The following SLC24A4 variants were observed in gnomAD, a reference collection of about 807,000 sequenced individuals.
SLC24A4 encodes solute carrier family 24 member 4, also known as sodium/potassium/calcium exchanger 4.
SLC24A4 carries 53 observed loss-of-function variants against 79.0 expected under a neutral mutation model. The ratio of observed to expected loss-of-function variants is 0.67; its 90% CI spans 0.54 to 0.84. The LOEUF is 0.84. Ranked by LOEUF, SLC24A4 falls within the 40% of genes least tolerant of loss-of-function variation. The probability of loss-of-function intolerance (pLI) is 0.00; values close to 1 mark genes in which losing one functional copy is unlikely to be tolerated. For missense variants in SLC24A4, 731 were observed against 822.0 expected, an observed-to-expected ratio of 0.89 and a Z score of 1.35; for synonymous variants, 323 against 323.8, an observed-to-expected ratio of 1.00 and a Z score of 0.03.
chr14:92,458,997 GT>G (rs1433941400), intron 12 of SLC24A4, among the ~76,000 whole-genome samples: 2 of 152,192 alleles, frequency 1.3e-5, no homozygotes, highest in Admixed American at 6.5e-5. Flanking sequence ...ACCCCTTGAA[GT>G]GGGTGGCAGA....
At chr14:92,452,590 C>T (rs1156956812) in intron 10 of SLC24A4, 2 of 152,258 alleles carry the variant, frequency 1.3e-5, no homozygotes, top group African/African-American at 2.4e-5. Context: ...GCACGCTAAT[C>T]ATCTCTGGCA....
intron 10 of SLC24A4, chr14:92,452,365 G>A (rs1893190817): frequency 6.6e-6 from 1 of 152,546 alleles, no homozygotes; most frequent in Non-Finnish European, 1.5e-5. Context: ...ATGCAGCAGT[G>A]AGGGGCTGAG....
At chr14:92,355,102 C>T (rs556562406) in intron 2 of SLC24A4, among the ~76,000 whole-genome samples, 1 of 152,232 alleles carries the variant, frequency 6.6e-6, no homozygotes, top group African/African-American at 2.4e-5. Context: ...ACAACAACAA[C>T]AACACAAATG....
At chr14:92,361,732 G>A (rs1328453135) in intron 2 of SLC24A4, among the ~76,000 whole-genome samples, 1 of 152,102 alleles carries the variant, frequency 6.6e-6, no homozygotes, top group African/African-American at 2.4e-5. Context: ...GCGATGTCTC[G>A]ACTTTGAGTG....
intron 10 of SLC24A4, chr14:92,450,652 C>CA (rs1218540942): frequency 2.6e-5 from 4 of 152,292 alleles, no homozygotes; most frequent in Non-Finnish European, 5.9e-5. Context: ...GGTCCCCACA[C>CA]ACAGCCTGGT....
chr14:92,491,520 G>A, intron 14 of SLC24A4, 145 bp from the exon 15 acceptor site: 1 of 622,206 alleles, frequency 1.6e-6, no homozygotes, highest in Non-Finnish European at 2.9e-6. Flanking sequence ...ATGGATCTGA[G>A]GCCTTATGAA....
At chr14:92,407,655 G>T (rs1430074210) in intron 2 of SLC24A4, among the ~76,000 whole-genome samples, 1 of 151,794 alleles carries the variant, frequency 6.6e-6, no homozygotes, top group Non-Finnish European at 1.5e-5. Context: ...AGAGAGAGAA[G>T]GGGGAGGTTC....
intron 2 of SLC24A4, among the ~76,000 whole-genome samples, chr14:92,391,075 C>T (rs918549621): frequency 6.6e-6 from 1 of 152,124 alleles, no homozygotes; most frequent in African/African-American, 2.4e-5. Context: ...TGCAAGGGAA[C>T]ATGTCGCTTC....
At chr14:92,467,977 G>C (rs1027427211) in intron 12 of SLC24A4, among the ~76,000 whole-genome samples, 1 of 152,180 alleles carries the variant, frequency 6.6e-6, no homozygotes, top group African/African-American at 2.4e-5. Flanking sequence ...GAGAGAGGAA[G>C]CAGTAAAACT....
chr14:92,454,029 G>A lies in SLC24A4; in HGVS notation c.1010G>A (p.Arg337Lys). 6.2e-7 allele frequency: 1 copy of A among 1,613,392 alleles called. No individual in the cohort carries two copies. The highest frequency in any genetic ancestry group is 8.5e-7 in the Non-Finnish European group (1 of 1,179,680). ...ATGATCACCAATAAGTTTGGACCCA[G>A]GACCCGACTACGGATGGCCAGCAGG... ...RIMITNKFGP[R>K]TRLRMASRII... Residue 337 changes from arginine to lysine, a missense_variant, in exon 11 of 17, where the codon AGG becomes AAG. Coordinates refer to ENST00000532405, the MANE Select transcript of SLC24A4 (RefSeq NM_153646.4).
chr14:92,493,700 C>G lies in SLC24A4; in HGVS notation c.*72C>G, dbSNP rs1406848670. ...TGGCGTTCTCCTCTCCCCTCCTTCC[C>G]CCACCACAGGTCTCTCCTGCATAGG... On this transcript the variant is annotated 3_prime_UTR_variant, in exon 17 of 17. Coordinates refer to ENST00000532405, the MANE Select transcript of SLC24A4 (RefSeq NM_153646.4). 22 of 1,532,448 alleles carry G rather than the reference C, an allele frequency of 1.4e-5. No individual in the cohort carries two copies. Among genetic ancestry groups the G allele is most frequent in the Non-Finnish European group, 2.0e-5 (22 of 1,125,510 alleles). The allele number at this position is 1,532,448 out of a possible 1,614,324, so 94.9% of individuals were successfully genotyped here. A position where few individuals can be genotyped will look rare whatever the true frequency, so the allele number is the denominator to read the frequency against.
intron 11 of SLC24A4, among the ~76,000 whole-genome samples, chr14:92,454,914 A>G (rs1283649719): frequency 6.6e-6 from 1 of 152,210 alleles, no homozygotes; most frequent in Non-Finnish European, 1.5e-5. Context: ...GCCGTCTTTC[A>G]TGCATGCATT....
chr14:92,451,319 C>T (rs1389046137), intron 10 of SLC24A4: 1 of 152,234 alleles, frequency 6.6e-6, no homozygotes, highest in Non-Finnish European at 1.5e-5. Context: ...ATGTGTGAGT[C>T]ACTGTTCTGC....
chr14:92,411,165 C>T (rs1287000846), intron 2 of SLC24A4, among the ~76,000 whole-genome samples: 1 of 152,154 alleles, frequency 6.6e-6, no homozygotes, highest in Non-Finnish European at 1.5e-5. Flanking sequence ...CCCGTGTTGA[C>T]TTCCCATGCA....
In SLC24A4 at chr14:92,342,314, G is replaced by T. The variant is rs879857320; in HGVS notation, c.241+16336G>T. On this transcript the variant is annotated intron_variant, in intron 2 of 16. Transcript: ENST00000532405. ...CAGGAGGTCTGGGGTGGGGCTGTGGGGGGGGGGTCTCCATTTCTGACATGC... is the reference window on the plus strand; with the variant it reads ...CAGGAGGTCTGGGGTGGGGCTGTGGTGGGGGGGTCTCCATTTCTGACATGC... Among the ~76,000 whole-genome samples the T allele has an allele frequency of 4.8e-5, 7 of 144,822 alleles. No homozygotes were observed. The East Asian group carries it at 5.8e-4, about 12-fold the overall frequency.
At chr14:92,381,799 C>T (rs1227578241) in intron 2 of SLC24A4, among the ~76,000 whole-genome samples, 1 of 152,096 alleles carries the variant, frequency 6.6e-6, no homozygotes, top group Non-Finnish European at 1.5e-5. Flanking sequence ...AGGTCCCCCT[C>T]CTCTCCCATT....
chr14:92,436,873 C>T (rs1189102244), intron 3 of SLC24A4, among the ~76,000 whole-genome samples: 1 of 152,170 alleles, frequency 6.6e-6, no homozygotes, highest in Non-Finnish European at 1.5e-5. Context: ...GTCTCCCCCA[C>T]CTGCCTTCTC....
Position 92,501,062 on chromosome 14 carries a change from A to G in SLC24A4, c.*7434A>G, listed in dbSNP as rs1218463804. On this transcript the variant is annotated 3_prime_UTR_variant, in exon 17 of 17. Transcript: ENST00000532405. ...TCCTGAAAGAACCTCCTTAAAAACA[A>G]CTAAAACGAAGAACTTCTGGGGCTG... The G allele has an allele frequency of 6.6e-6, 1 of 152,210 alleles. No individual in the cohort carries two copies. Among genetic ancestry groups the G allele is most frequent in the Non-Finnish European group, 1.5e-5 (1 of 68,036 alleles). The allele number at this position is 152,210 out of a possible 1,614,324, so 9.4% of individuals were successfully genotyped here. A position where few individuals can be genotyped will look rare whatever the true frequency, so the allele number is the denominator to read the frequency against.
At chr14:92,434,034 G>A (rs1832364297) in intron 3 of SLC24A4, 46 bp downstream of exon 3, 1 of 1,465,556 alleles carries the variant, frequency 6.8e-7, no homozygotes, top group African/African-American at 1.4e-5. Flanking sequence ...GGCACATGAA[G>A]CCTCTCTGCA....
Sources: gnomAD v4.1 joint callset for allele counts (sites outside exome capture counted in the v4.1 genomes callset) on GRCh38, gnomAD v4.1.1 for gene constraint, MANE v1.5 for transcripts, NCBI Gene and HGNC (gene_info 2026-07-23, HGNC 2026-07-21) for gene names.